Variants in FARS2 observed in about 807,000 individuals in gnomAD.
FARS2 encodes the protein phenylalanyl-tRNA synthetase 2, mitochondrial.
Under a neutral mutation model 46.4 loss-of-function variants are expected in FARS2, and 40 were observed. That is an observed-to-expected ratio of 0.86 (90% CI 0.67 to 1.12). FARS2 has a LOEUF of 1.12. Among genes scored for constraint, FARS2 ranks in the 50% most tolerant of loss-of-function variants. The probability of loss-of-function intolerance (pLI) is 0.00; values close to 1 mark genes in which losing one functional copy is unlikely to be tolerated. For synonymous variants in FARS2, 234 were observed against 214.9 expected, an observed-to-expected ratio of 1.09 and a Z score of -0.78; for missense variants, 513 against 567.9, an observed-to-expected ratio of 0.90 and a Z score of 0.98.
At chr6:5,664,723 C>T (rs1778022240) in intron 6 of FARS2, among the ~76,000 whole-genome samples, 1 of 152,122 alleles carries the variant, frequency 6.6e-6, no homozygotes, top group Admixed American at 6.5e-5. Flanking sequence ...AGTCCTAGTC[C>T]TTAAGAGCAC....
chr6:5,444,164 A>C (rs2020028), intron 4 of FARS2, among the ~76,000 whole-genome samples: 1,659 of 151,786 alleles, frequency 0.011, 38 homozygotes, highest in African/African-American at 0.038. Flanking sequence ...TTCGCAATAT[A>C]ATCTTTTTAA....
At chr6:5,251,285 T>C in the FARS2 span, among the ~76,000 whole-genome samples, 1 of 152,232 alleles carries the variant, frequency 6.6e-6, no homozygotes, top group Admixed American at 6.5e-5. Flanking sequence ...AGCTGCCCTG[T>C]TTTACAAAGT....
chr6:5,575,267 A>G (rs1413248503), intron 5 of FARS2, among the ~76,000 whole-genome samples: 1 of 152,232 alleles, frequency 6.6e-6, no homozygotes, highest in Non-Finnish European at 1.5e-5. Context: ...CTTGTTCAAC[A>G]TCAGCTGGGA....
Position 5,439,931 on chromosome 6 carries a change from A to G in FARS2, c.904+8759A>G, listed in dbSNP as rs79434277. Among the ~76,000 whole-genome samples the G allele has an allele frequency of 1.8e-3, 277 of 152,234 alleles. 11 individuals carry two copies. In the East Asian group the frequency reaches 0.05, roughly 28 times the overall value. ...TTTTAGTGCCCATTCAGAAAAGCAAACAAATACACGTCAGCCTTATGTGTA... is the reference window on the plus strand; with the variant it reads ...TTTTAGTGCCCATTCAGAAAAGCAAGCAAATACACGTCAGCCTTATGTGTA... On this transcript the variant is annotated intron_variant, in intron 4 of 6. Transcript: ENST00000274680.
chr6:5,477,836 T>A (rs559850493), intron 4 of FARS2, among the ~76,000 whole-genome samples: 5 of 151,822 alleles, frequency 3.3e-5, no homozygotes, highest in Admixed American at 6.6e-5. Flanking sequence ...CTGGGCAAGA[T>A]AGTGAGACCT....
At chr6:5,544,778 C>T (rs1770859564) in intron 4 of FARS2, among the ~76,000 whole-genome samples, 1 of 152,170 alleles carries the variant, frequency 6.6e-6, no homozygotes, top group Non-Finnish European at 1.5e-5. Context: ...TTGAATGTAT[C>T]TCATTATCTA....
upstream of FARS2, chr6:5,260,546 C>G (rs945256597): frequency 4.4e-5 from 64 of 1,466,678 alleles, no homozygotes; most frequent in African/African-American, 7.8e-4. Flanking sequence ...CGCCGGCAAA[C>G]CACGGTGGCT....
chr6:5,469,358 C>A (rs562771769), intron 4 of FARS2, among the ~76,000 whole-genome samples: 33 of 152,362 alleles, frequency 2.2e-4, no homozygotes, highest in African/African-American at 7.0e-4. Flanking sequence ...CGGAGCCCCG[C>A]CCCACACTTC....
chr6:5,272,894 G>A (rs1234800502), intron 1 of FARS2, among the ~76,000 whole-genome samples: 1 of 152,238 alleles, frequency 6.6e-6, no homozygotes, highest in Middle Eastern at 3.4e-3. Context: ...CGACATACGA[G>A]TAAGAACATA....
chr6:5,386,240 T>G (rs756639303), intron 2 of FARS2, among the ~76,000 whole-genome samples: 2 of 152,010 alleles, frequency 1.3e-5, no homozygotes, highest in Non-Finnish European at 2.9e-5. Flanking sequence ...GAGTAGCAGA[T>G]TGAAGGAATG....
intron 1 of FARS2, among the ~76,000 whole-genome samples, chr6:5,341,023 C>T (rs1771520116): frequency 6.6e-6 from 1 of 150,768 alleles, no homozygotes; most frequent in Non-Finnish European, 1.5e-5. Flanking sequence ...TGACGTGCGC[C>T]TGTAATCCCA....
intron 4 of FARS2, among the ~76,000 whole-genome samples, chr6:5,530,007 GA>G (rs1769723108): frequency 6.6e-6 from 1 of 152,250 alleles, no homozygotes; most frequent in African/African-American, 2.4e-5. Context: ...GAGAGCTGAA[GA>G]ACTTTCCACC....
Position 5,598,022 on chromosome 6 carries a change from T to G in FARS2, c.1066-15147T>G, listed in dbSNP as rs373800648. ...CACCAGTCCCTTGGGTCACCAAGAG[T>G]TTTCTTCCCCATCCTGTCTCCCTGC... On this transcript the variant is annotated intron_variant, in intron 5 of 6. Coordinates refer to ENST00000274680, the MANE Select transcript of FARS2 (RefSeq NM_006567.5). Among the ~76,000 whole-genome samples the G allele has an allele frequency of 1.3e-3, 195 of 151,072 alleles. 3 individuals carry two copies. In the South Asian group the frequency reaches 0.023, roughly 18 times the overall value.
intron 4 of FARS2, among the ~76,000 whole-genome samples, chr6:5,447,512 T>C (rs1049471324): frequency 6.6e-6 from 1 of 152,220 alleles, no homozygotes; most frequent in Non-Finnish European, 1.5e-5. Flanking sequence ...GTATAACCTC[T>C]TCCTCATGGT....
chr6:5,662,194 T>G (rs1263265984), intron 6 of FARS2, among the ~76,000 whole-genome samples: 1 of 152,234 alleles, frequency 6.6e-6, no homozygotes, highest in Non-Finnish European at 1.5e-5. Flanking sequence ...GTATTTTCAT[T>G]CTTTTTTTCT....
rs766289702 is a variant in FARS2, at chr6:5,368,737, A to G, written c.167A>G (p.Lys56Arg). The G allele has an allele frequency of 5.0e-6, 8 of 1,614,084 alleles. No individual in the cohort carries two copies. The East Asian group carries it at 1.8e-4, about 36-fold the overall frequency. Residue 56 changes from lysine to arginine, a missense_variant, in exon 2 of 7, where the codon AAA becomes AGA. Transcript: ENST00000274680. ...GGCAGTGTGGTGGAGCTGCTGGGCA[A>G]ATCCTACCCTCAGGACGACCACAGC... ...APGSVVELLG[K>R]SYPQDDHSNL...
At chr6:5,742,490 T>TA (rs1761406541) in intron 6 of FARS2, among the ~76,000 whole-genome samples, 1 of 152,242 alleles carries the variant, frequency 6.6e-6, no homozygotes. Context: ...TAGTACCTTC[T>TA]AAGCCCTGAC....
chr6:5,601,554 C>T (rs1051556270), intron 5 of FARS2, among the ~76,000 whole-genome samples: 4 of 130,082 alleles, frequency 3.1e-5, no homozygotes, highest in Non-Finnish European at 6.4e-5. Flanking sequence ...AAAAAAAAGA[C>T]GAGAGTGGGG....
intron 4 of FARS2, among the ~76,000 whole-genome samples, chr6:5,432,491 TTA>T (rs1763277361): frequency 7.8e-6 from 1 of 127,536 alleles, no homozygotes. Context: ...ATAATATATA[TTA>T]TATATATTTT....
Sources: gnomAD v4.1 joint callset for allele counts (sites outside exome capture counted in the v4.1 genomes callset) on GRCh38, gnomAD v4.1.1 for gene constraint, MANE v1.5 for transcripts, NCBI Gene and HGNC (gene_info 2026-07-23, HGNC 2026-07-21) for gene names.